Variants in NCK2 observed in about 807,000 individuals in gnomAD.
NCK2 encodes NCK adaptor protein 2.
In NCK2, 16 loss-of-function variants were observed where a neutral mutation model predicts 33.9. The ratio of observed to expected loss-of-function variants is 0.47; its 90% CI spans 0.32 to 0.72. The LOEUF is 0.72. Ranked by LOEUF, NCK2 falls within the 30% of genes least tolerant of loss-of-function variation. The pLI, the probability that NCK2 is intolerant of heterozygous loss-of-function variation, is 0.03. For synonymous variants in NCK2, 273 were observed against 239.9 expected (o/e 1.14, Z -1.27); for missense variants, 418 against 537.3 (o/e 0.78, Z 2.19).
chr2:105,763,420 C>A (rs1256447933), intron 1 of NCK2, among the ~76,000 whole-genome samples: 1 of 152,114 alleles, frequency 6.6e-6, no homozygotes, highest in African/African-American at 2.4e-5. Flanking sequence ...GCAGTAACGA[C>A]AAAACATGCC....
rs557536686 is a variant in NCK2 at position 105,797,449 on chromosome 2, A to G, written c.-200-18981A>G. ...GTATCCAGGTCTTTCTAAGGGGGAA[A>G]AAACCAGTATGGCCAAGCAGCAGGC... On this transcript the variant is annotated intron_variant, in intron 1 of 4. Coordinates refer to ENST00000233154, the MANE Select transcript of NCK2 (RefSeq NM_003581.5). Among the ~76,000 whole-genome samples, 12 of 152,340 alleles carry G rather than the reference A, an allele frequency of 7.9e-5. No individual in the cohort carries two copies. The South Asian group carries it at 1.9e-3, about 24-fold the overall frequency.
intron 2 of NCK2, among the ~76,000 whole-genome samples, chr2:105,824,454 A>G (rs1675868130): frequency 6.6e-6 from 1 of 152,240 alleles, no homozygotes; most frequent in Non-Finnish European, 1.5e-5. Flanking sequence ...TGGGAAAGGC[A>G]GGGATCCCAG....
intron 3 of NCK2, among the ~76,000 whole-genome samples, chr2:105,869,298 G>A (rs1473644717): frequency 1.3e-5 from 2 of 152,164 alleles, no homozygotes; most frequent in Non-Finnish European, 2.9e-5. Context: ...CTGGTATGGG[G>A]ATGACAACAC....
intron 1 of NCK2, among the ~76,000 whole-genome samples, chr2:105,778,032 C>T (rs1466032596): frequency 1.3e-5 from 2 of 152,202 alleles, no homozygotes; most frequent in African/African-American, 4.8e-5. Context: ...TTTCTCCTCA[C>T]CTTCTTCAGC....
At chr2:105,754,493 A>T (rs1450336369) in intron 1 of NCK2, among the ~76,000 whole-genome samples, 1 of 152,206 alleles carries the variant, frequency 6.6e-6, no homozygotes, top group Non-Finnish European at 1.5e-5. Context: ...AAATATTTTA[A>T]TTATGTCACT....
intron 3 of NCK2, among the ~76,000 whole-genome samples, chr2:105,869,832 A>T (rs1014104045): frequency 2.0e-5 from 3 of 152,168 alleles, no homozygotes; most frequent in South Asian, 4.1e-4. Flanking sequence ...AATGAAAAAA[A>T]TTTTTAATTC....
At chr2:105,757,582 G>A (rs1457197924) in intron 1 of NCK2, among the ~76,000 whole-genome samples, 2 of 152,152 alleles carry the variant, frequency 1.3e-5, no homozygotes, top group Non-Finnish European at 2.9e-5. Context: ...GACCAGCCAT[G>A]GGCCAGGCAC....
At chr2:105,749,645 C>A (rs1055702130) in intron 1 of NCK2, among the ~76,000 whole-genome samples, 1 of 151,984 alleles carries the variant, frequency 6.6e-6, no homozygotes, top group African/African-American at 2.4e-5. Context: ...CCTTGGGTAT[C>A]TGCCTTTGCC....
chr2:105,848,919 G>A (rs1573199249), intron 2 of NCK2, among the ~76,000 whole-genome samples: 1 of 152,132 alleles, frequency 6.6e-6, no homozygotes, highest in East Asian at 1.9e-4. Flanking sequence ...TTTTCATATA[G>A]ACTCAATTTT....
chr2:105,839,624 A>G (rs1250174892), intron 2 of NCK2, among the ~76,000 whole-genome samples: 2 of 152,194 alleles, frequency 1.3e-5, no homozygotes, highest in East Asian at 3.8e-4. Context: ...CATGGGGAGA[A>G]TGAAGAGCTT....
At chr2:105,878,543 G>T (rs1339638817) in intron 3 of NCK2, among the ~76,000 whole-genome samples, 1 of 152,176 alleles carries the variant, frequency 6.6e-6, no homozygotes, top group Non-Finnish European at 1.5e-5. Flanking sequence ...GGCCTTGCAA[G>T]GAACCAACCC....
At chr2:105,859,695 T>C (rs1271510493) in intron 3 of NCK2, among the ~76,000 whole-genome samples, 1 of 152,188 alleles carries the variant, frequency 6.6e-6, no homozygotes, top group Non-Finnish European at 1.5e-5. Flanking sequence ...AGGATCAACT[T>C]TGGAATTGAA....
chr2:105,760,613 T>A (rs1689737109), intron 1 of NCK2, among the ~76,000 whole-genome samples: 1 of 152,148 alleles, frequency 6.6e-6, no homozygotes, highest in Non-Finnish European at 1.5e-5. Context: ...AGGCTCCCTT[T>A]GTATCAACCA....
intron 1 of NCK2, among the ~76,000 whole-genome samples, chr2:105,766,737 T>C (rs1054899174): frequency 6.6e-6 from 1 of 152,230 alleles, no homozygotes; most frequent in African/African-American, 2.4e-5. Flanking sequence ...GAACCAGCCC[T>C]GGCTCTGTCC....
intron 3 of NCK2, among the ~76,000 whole-genome samples, chr2:105,865,252 G>A (rs951028288): frequency 1.3e-5 from 2 of 152,164 alleles, no homozygotes; most frequent in East Asian, 1.9e-4. Context: ...CCAGGTGCCC[G>A]AATATGTTTT....
At chr2:105,769,414 C>T (rs1690053697) in intron 1 of NCK2, among the ~76,000 whole-genome samples, 2 of 152,130 alleles carry the variant, frequency 1.3e-5, no homozygotes, top group African/African-American at 4.8e-5. Context: ...TGGTAACTCC[C>T]CCGTTCTTGC....
At chr2:105,853,540 T>C (rs1267803399) in intron 2 of NCK2, among the ~76,000 whole-genome samples, 1 of 152,224 alleles carries the variant, frequency 6.6e-6, no homozygotes, top group African/African-American at 2.4e-5. Flanking sequence ...CTTGCATCCC[T>C]CCCTTCCCTC....
intron 1 of NCK2, among the ~76,000 whole-genome samples, chr2:105,805,489 A>G (rs1292418034): frequency 1.3e-5 from 2 of 152,240 alleles, no homozygotes; most frequent in Non-Finnish European, 2.9e-5. Flanking sequence ...AATTTTTATA[A>G]CTATTAGCCT....
Position 105,809,802 on chromosome 2 carries a change from C to T in NCK2, c.-200-6628C>T, listed in dbSNP as rs575095198. ...AGCGTTTAACTGTCCATGGAGCCAT[C>T]CAGGAGGTCTTCCTGGAGGAGGGGC... On this transcript the variant is annotated intron_variant, in intron 1 of 4. Transcript: ENST00000233154. Among the ~76,000 whole-genome samples, 7 of 152,072 alleles carry T rather than the reference C, an allele frequency of 4.6e-5. 1 individual carries two copies. In the South Asian group the frequency reaches 1.5e-3, roughly 32 times the overall value.
Sources: gnomAD v4.1 joint callset for allele counts (sites outside exome capture counted in the v4.1 genomes callset) on GRCh38, gnomAD v4.1.1 for gene constraint, MANE v1.5 for transcripts, NCBI Gene and HGNC (gene_info 2026-07-23, HGNC 2026-07-21) for gene names.